PADI2: variants seen among roughly 807,000 people sequenced by gnomAD.
PADI2 encodes the protein peptidyl arginine deiminase 2, also known as protein-arginine deiminase type-2.
In PADI2, 70 loss-of-function variants were observed where a neutral mutation model predicts 81.1. That is an observed-to-expected ratio of 0.86 (90% CI 0.71 to 1.05). The LOEUF is 1.05. Among genes scored for constraint, PADI2 ranks in the 50% least tolerant of loss-of-function variants. The pLI is 0.00. For synonymous variants in PADI2, 338 were observed against 358.0 expected (o/e 0.94, Z 0.63); for missense variants, 853 against 889.9 (o/e 0.96, Z 0.53).
chr1:17,088,903 T>C (rs1251854034), intron 6 of PADI2, among the ~76,000 whole-genome samples: 1 of 3,598 alleles, frequency 2.8e-4, no homozygotes, highest in Non-Finnish European at 5.6e-4. Flanking sequence ...CGAGACTCCA[T>C]CTCAAAAAAA....
intron 1 of PADI2, among the ~76,000 whole-genome samples, chr1:17,106,954 A>G (rs1259651927): frequency 6.6e-6 from 1 of 152,140 alleles, no homozygotes; most frequent in African/African-American, 2.4e-5. Context: ...TCGGACTTCC[A>G]GCCTCCAGAA....
At chr1:17,088,181 A>T (rs1930538066) in intron 6 of PADI2, among the ~76,000 whole-genome samples, 1 of 152,130 alleles carries the variant, frequency 6.6e-6, no homozygotes, top group Admixed American at 6.5e-5. Flanking sequence ...GAGCAGAGGA[A>T]GGCAGCCTTT....
intron 2 of PADI2, among the ~76,000 whole-genome samples, chr1:17,104,126 CA>C (rs112120798): frequency 0.57 from 76,218 of 133,762 alleles, 20,048 homozygotes; most frequent in East Asian, 0.68. Flanking sequence ...ACTAAAAATA[CA>C]AAAAAAAAAA....
At chr1:17,095,770 C>T in intron 4 of PADI2, 139 bp downstream of exon 4, 1 of 620,622 alleles carries the variant, frequency 1.6e-6, no homozygotes, top group Non-Finnish European at 2.9e-6. Context: ...TGGGTTCCAT[C>T]ATTGGTATGC....
At chr1:17,104,372 G>GAT (rs1465570838) in intron 2 of PADI2, among the ~76,000 whole-genome samples, 1 of 150,732 alleles carries the variant, frequency 6.6e-6, no homozygotes, top group Admixed American at 6.6e-5. Context: ...TATTTTGATA[G>GAT]ATAGGGTTAA....
chr1:17,094,219 G>A (rs2101595206), intron 4 of PADI2, among the ~76,000 whole-genome samples: 1 of 152,326 alleles, frequency 6.6e-6, no homozygotes, highest in South Asian at 2.1e-4. Flanking sequence ...GAGTTGGCAT[G>A]AAGCCCTGAT....
chr1:17,102,916 G>T, intron 3 of PADI2, 71 bp downstream of exon 3: 2 of 1,146,802 alleles, frequency 1.7e-6, no homozygotes, highest in Non-Finnish European at 2.6e-6. Flanking sequence ...CCGCCTAAGT[G>T]CCCCAGAGAA....
At chr1:17,089,750 G>A (rs1170671684) in intron 6 of PADI2, among the ~76,000 whole-genome samples, 2 of 152,266 alleles carry the variant, frequency 1.3e-5, no homozygotes, top group Non-Finnish European at 2.9e-5. Flanking sequence ...ACCCCACACT[G>A]AGCGTGGCCA....
chr1:17,089,518 CA>C (rs1930595809), intron 6 of PADI2, among the ~76,000 whole-genome samples: 1 of 152,168 alleles, frequency 6.6e-6, no homozygotes, highest in South Asian at 2.1e-4. Context: ...GGGATCTGGC[CA>C]GGGGTGGTGG....
intron 3 of PADI2, among the ~76,000 whole-genome samples, chr1:17,102,753 G>C (rs188474543): frequency 1.5e-5 from 2 of 136,996 alleles, no homozygotes; most frequent in East Asian, 2.1e-4. Context: ...TTGACACTTG[G>C]GGGGGGGTTG....
At chr1:17,106,562 C>A (rs185727865) in intron 1 of PADI2, among the ~76,000 whole-genome samples, 1 of 152,110 alleles carries the variant, frequency 6.6e-6, no homozygotes, top group East Asian at 1.9e-4. Flanking sequence ...CCTACCTCAG[C>A]CTTCTGAGTA....
chr1:17,093,670 C>G lies in PADI2; in HGVS notation c.426G>C (p.Trp142Cys). 6.2e-7 allele frequency: 1 copy of G among 1,610,940 alleles called. No homozygotes were observed. Among genetic ancestry groups the G allele is most frequent in the Non-Finnish European group, 8.5e-7 (1 of 1,177,172 alleles). The change falls in exon 5 of 16, where the codon TGG becomes TGC. Residue 142 changes from tryptophan (W) to cysteine (C), a missense_variant. Coordinates refer to ENST00000375486, the MANE Select transcript of PADI2 (RefSeq NM_007365.3). Reference protein sequence around the residue: ...KNNPKKASWTWGPEGQGAILL... With the variant: ...KNNPKKASWTCGPEGQGAILL... ...GGATGGCCCCCTGGCCCTCGGGGCC[C>G]CAGGTCCAGGATGCCTACAGTGGCA...
intron 1 of PADI2, among the ~76,000 whole-genome samples, chr1:17,114,076 G>A (rs1050825114): frequency 6.6e-5 from 10 of 152,252 alleles, no homozygotes; most frequent in Non-Finnish European, 1.5e-4. Flanking sequence ...GGCTCTGGGT[G>A]CTGTTCTAAT....
chr1:17,094,406 A>T lies in PADI2; in HGVS notation c.412-722T>A, dbSNP rs564240821. ...CTCTGCTCCTGTCCTGCCCCTTTCCACCTGGCCCACTCTACCCTTCCTCGG... is the reference window on the plus strand; with the variant it reads ...CTCTGCTCCTGTCCTGCCCCTTTCCTCCTGGCCCACTCTACCCTTCCTCGG... On this transcript the variant is annotated intron_variant, in intron 4 of 15. Coordinates refer to ENST00000375486, the MANE Select transcript of PADI2 (RefSeq NM_007365.3). 1.1e-3 allele frequency among the ~76,000 whole-genome samples: 164 copies of T among 150,970 alleles called. 2 individuals are homozygous for T. The highest frequency in any genetic ancestry group is 4.0e-3 in the African/African-American group (163 of 41,026).
chr1:17,093,901 G>C (rs546255580), intron 4 of PADI2, among the ~76,000 whole-genome samples: 2 of 152,204 alleles, frequency 1.3e-5, no homozygotes, highest in Admixed American at 1.3e-4. Context: ...CAGGAAGGCT[G>C]ACTGAGGCAT....
rs537897033 is a variant in PADI2 at position 17,119,270 on chromosome 1, G to A, written c.92+10C>T. 7.7e-5 allele frequency: 116 copies of A among 1,515,994 alleles called. No individual in the cohort carries two copies. The East Asian group carries it at 2.8e-3, about 36-fold the overall frequency. The allele number at this position is 1,515,994 out of a possible 1,614,324, so 93.9% of individuals were successfully genotyped here. A position where few individuals can be genotyped will look rare whatever the true frequency, so the allele number is the denominator to read the frequency against. ...GATCTCGGCCCGGGCATCACGGTGG[G>A]CCGGCTCACCTGTAGACATCGGTCC... is the stretch of plus-strand genomic sequence containing the variant. On this transcript the variant is annotated intron_variant, in intron 1 of 15. Transcript: ENST00000375486. The surrounding 1 kb of genome is among the most constrained non-coding windows in gnomAD (Gnocchi z 4.8).
chr1:17,112,066 G>A (rs1383871394), intron 1 of PADI2, among the ~76,000 whole-genome samples: 1 of 152,108 alleles, frequency 6.6e-6, no homozygotes, highest in Non-Finnish European at 1.5e-5. Context: ...GATCATCCAG[G>A]GTGCAGGGTT....
At chr1:17,088,764 G>A (rs1311132747) in intron 6 of PADI2, among the ~76,000 whole-genome samples, 4 of 151,756 alleles carry the variant, frequency 2.6e-5, no homozygotes, top group African/African-American at 7.3e-5. Context: ...AAAATTAGCC[G>A]GACATGGTGG....
intron 1 of PADI2, among the ~76,000 whole-genome samples, chr1:17,113,564 A>T (rs1374500434): frequency 6.6e-6 from 1 of 152,172 alleles, no homozygotes; most frequent in Non-Finnish European, 1.5e-5. Flanking sequence ...CAAAGTCTGG[A>T]GTCTTTCCTG....
Sources: allele counts gnomAD v4.1 joint callset (sites outside exome capture counted in the v4.1 genomes callset), GRCh38; gene constraint gnomAD v4.1.1; non-coding constraint Gnocchi (gnomAD v3.1); transcripts MANE v1.5; gene names NCBI Gene and HGNC (gene_info 2026-07-23, HGNC 2026-07-21).